AGBL1: variants seen among roughly 807,000 people sequenced by gnomAD.
The protein encoded by AGBL1 is AGBL carboxypeptidase 1.
Under a neutral mutation model 118.9 loss-of-function variants are expected in AGBL1, and 130 were observed. The observed-to-expected ratio is 1.09, with a 90% CI of 0.95 to 1.26. The LOEUF (loss-of-function observed/expected upper bound fraction) is 1.26, where lower values mean the gene tolerates loss of function less well. AGBL1 is among the 50% of genes most tolerant of loss of function. The pLI is 0.00. For missense variants in AGBL1, 1,584 were observed against 1,298.1 expected (o/e 1.22, Z -3.38); for synonymous variants, 555 against 478.9 (o/e 1.16, Z -2.08).
intron 17 of AGBL1, among the ~76,000 whole-genome samples, chr15:86,345,608 G>T (rs2080524642): frequency 6.6e-6 from 1 of 152,214 alleles, no homozygotes; most frequent in African/African-American, 2.4e-5. Flanking sequence ...AGTTGCAGGG[G>T]AAAGGCAGGT....
intron 7 of AGBL1, among the ~76,000 whole-genome samples, chr15:86,249,363 G>A (rs774071948): frequency 2.5e-4 from 38 of 151,980 alleles, no homozygotes; most frequent in Non-Finnish European, 5.0e-4. Context: ...TTCCAACCGT[G>A]GTATCTGGAG....
intron 5 of AGBL1, among the ~76,000 whole-genome samples, chr15:86,170,568 G>T (rs574666053): frequency 2.0e-5 from 3 of 152,196 alleles, no homozygotes; most frequent in Non-Finnish European, 2.9e-5. Context: ...AAACCAGCCA[G>T]GTGTGGTGGC....
At chr15:86,169,892 T>G (rs2077391788) in intron 5 of AGBL1, among the ~76,000 whole-genome samples, 1 of 152,174 alleles carries the variant, frequency 6.6e-6, no homozygotes, top group Non-Finnish European at 1.5e-5. Context: ...ATAGAACTAC[T>G]TCCAAGTAAA....
Position 86,134,242 on chromosome 15 carries a change from AC to A in AGBL1, c.52-7760del, listed in dbSNP as rs1192911785. 5.9e-5 allele frequency among the ~76,000 whole-genome samples: 9 copies of A among 152,292 alleles called. No individual in the cohort carries two copies. In the East Asian group the frequency reaches 1.7e-3, roughly 29 times the overall value. On this transcript the variant is annotated intron_variant, in intron 1 of 22. Coordinates refer to ENST00000614907, the MANE Select transcript of AGBL1 (RefSeq NM_001386094.1). Reference sequence around the variant, plus strand: ...CAAATTTAATAATGTCTTTTATTTAACCAGTGGACCATCTCTAGTGAGTGTT... The same window carrying A: ...CAAATTTAATAATGTCTTTTATTTAACAGTGGACCATCTCTAGTGAGTGTT...
intron 21 of AGBL1, among the ~76,000 whole-genome samples, chr15:86,637,259 A>T (rs2085112523): frequency 6.6e-6 from 1 of 152,178 alleles, no homozygotes; most frequent in Admixed American, 6.6e-5. Flanking sequence ...CAGAGTCCTG[A>T]TGAAGAGTGG....
In AGBL1 at chr15:86,873,803, AACTAAATATTACT is replaced by A. The variant is rs143538217; in HGVS notation, c.3159-33281_3159-33269del. On this transcript the variant is annotated intron_variant, in intron 22 of 22. Transcript: ENST00000614907. ...CTATTGCTATCTGAACAGACTAAGA[AACTAAATATTACT>A]ACCTCTTTTGGTGGTAGTAATATTT... Among the ~76,000 whole-genome samples, 100 of 152,306 alleles carry A rather than the reference AACTAAATATTACT, an allele frequency of 6.6e-4. No individual in the cohort carries two copies. In the East Asian group the frequency reaches 0.013, roughly 20 times the overall value.
intron 21 of AGBL1, among the ~76,000 whole-genome samples, chr15:86,634,796 A>G (rs759554649): frequency 1.3e-5 from 2 of 152,196 alleles, no homozygotes; most frequent in Non-Finnish European, 2.9e-5. Flanking sequence ...GATGAAGCTA[A>G]TATAACTGAA....
chr15:86,189,798 G>A (rs149144922), intron 5 of AGBL1, among the ~76,000 whole-genome samples: 5 of 152,246 alleles, frequency 3.3e-5, no homozygotes, highest in African/African-American at 7.2e-5. Flanking sequence ...CCAGTCTCAC[G>A]TCTTCCTTTA....
chr15:86,315,404 A>G (rs2079986819), intron 17 of AGBL1, among the ~76,000 whole-genome samples: 1 of 152,134 alleles, frequency 6.6e-6, no homozygotes, highest in Admixed American at 6.5e-5. Context: ...ATTTTCACAT[A>G]TGACTATGGT....
chr15:86,982,350 T>C (rs976098783), intron 23 of AGBL1, among the ~76,000 whole-genome samples: 10 of 152,180 alleles, frequency 6.6e-5, no homozygotes, highest in Non-Finnish European at 2.9e-5. Context: ...ATAGTATACA[T>C]TGTATAATGT....
At chr15:86,592,785 T>A (rs569838526) in intron 21 of AGBL1, among the ~76,000 whole-genome samples, 1 of 152,328 alleles carries the variant, frequency 6.6e-6, no homozygotes, top group South Asian at 2.1e-4. Context: ...GAAACTGCCT[T>A]TCCCTGGTGT....
chr15:86,118,633 A>G (rs1897911160), intron 1 of AGBL1, among the ~76,000 whole-genome samples: 1 of 152,160 alleles, frequency 6.6e-6, no homozygotes, highest in Non-Finnish European at 1.5e-5. Flanking sequence ...TTCATAATAA[A>G]TAAGAATGCT....
At chr15:86,828,182 A>G (rs2079058244) in intron 22 of AGBL1, among the ~76,000 whole-genome samples, 2 of 151,332 alleles carry the variant, frequency 1.3e-5, no homozygotes, top group African/African-American at 4.8e-5. Context: ...GGCTCAAGAG[A>G]TCCTCCTGCC....
chr15:86,403,588 A>G (rs772764161), intron 18 of AGBL1, among the ~76,000 whole-genome samples: 4 of 152,212 alleles, frequency 2.6e-5, no homozygotes, highest in Admixed American at 6.5e-5. Flanking sequence ...CTAAAAAATT[A>G]TTCAGCACCT....
chr15:86,427,267 G>A (rs1052199820), intron 18 of AGBL1, among the ~76,000 whole-genome samples: 2 of 152,124 alleles, frequency 1.3e-5, no homozygotes, highest in Non-Finnish European at 2.9e-5. Flanking sequence ...TAAGGGTGAC[G>A]ACAAATGTGC....
At chr15:86,459,347 G>A (rs1206420366) in intron 18 of AGBL1, among the ~76,000 whole-genome samples, 1 of 152,072 alleles carries the variant, frequency 6.6e-6, no homozygotes, top group Non-Finnish European at 1.5e-5. Context: ...ACATGCTTGA[G>A]GGAAACCGAA....
intron 23 of AGBL1, among the ~76,000 whole-genome samples, chr15:86,947,493 C>T (rs1001508431): frequency 1.3e-5 from 2 of 152,060 alleles, no homozygotes; most frequent in African/African-American, 4.8e-5. Flanking sequence ...AAATGTTTGC[C>T]TGATCATGGC....
chr15:86,545,949 A>G, intron 19 of AGBL1, 53 bp from the exon 20 acceptor site: 1 of 1,582,140 alleles, frequency 6.3e-7, no homozygotes, highest in Admixed American at 1.7e-5. Context: ...AGTGGATTTA[A>G]GAAACCAATG....
intron 22 of AGBL1, among the ~76,000 whole-genome samples, chr15:86,692,921 C>T (rs1304139117): frequency 6.6e-6 from 1 of 152,176 alleles, no homozygotes; most frequent in Non-Finnish European, 1.5e-5. Context: ...ATCTAGGTTG[C>T]TGTGAATGCC....
Sources: allele counts gnomAD v4.1 joint callset (sites outside exome capture counted in the v4.1 genomes callset), GRCh38; gene constraint gnomAD v4.1.1; transcripts MANE v1.5; gene names NCBI Gene and HGNC (gene_info 2026-07-23, HGNC 2026-07-21).